Variants in COX10 observed in about 807,000 individuals in gnomAD.
COX10 encodes the protein cytochrome c oxidase assembly factor heme A:farnesyltransferase COX10.
COX10 carries 27 observed loss-of-function variants against 37.3 expected under a neutral mutation model. The ratio of observed to expected loss-of-function variants is 0.72; its 90% confidence interval spans 0.53 to 1.00. The LOEUF is 1.00. COX10 is among the 50% of genes least tolerant of loss of function. COX10 has a pLI of 0.00. For synonymous variants in COX10, 222 were observed against 229.1 expected, an observed-to-expected ratio of 0.97 and a Z score of 0.28; for missense variants, 475 against 563.2, an observed-to-expected ratio of 0.84 and a Z score of 1.59.
chr17:14,100,217 A>G (rs1428477241), intron 3 of COX10, among the ~76,000 whole-genome samples: 1 of 152,058 alleles, frequency 6.6e-6, no homozygotes, highest in African/African-American at 2.4e-5. Flanking sequence ...CTGCCAACCA[A>G]CCAAACTACA....
chr17:14,080,503 G>T (rs374864153), intron 3 of COX10, among the ~76,000 whole-genome samples: 1 of 152,088 alleles, frequency 6.6e-6, no homozygotes, highest in Admixed American at 6.5e-5. Flanking sequence ...GTGAGCCACC[G>T]CACCCGGCCA....
chr17:14,193,344 T>C (rs1906269611), intron 6 of COX10, among the ~76,000 whole-genome samples: 1 of 152,116 alleles, frequency 6.6e-6, no homozygotes, highest in Admixed American at 6.5e-5. Context: ...CCTGGAGTCA[T>C]TGTGAGGATG....
At chr17:14,085,729 G>T (rs763003898) in intron 3 of COX10, among the ~76,000 whole-genome samples, 12 of 152,090 alleles carry the variant, frequency 7.9e-5, no homozygotes, top group Non-Finnish European at 1.3e-4. Context: ...GAGGATAAAT[G>T]TATAGAAGTG....
At chr17:14,192,665 C>A (rs1906242095) in intron 6 of COX10, among the ~76,000 whole-genome samples, 1 of 152,140 alleles carries the variant, frequency 6.6e-6, no homozygotes, top group Admixed American at 6.5e-5. Context: ...AGATTATTTT[C>A]ATTAGTTTCT....
chr17:14,117,951 T>A (rs1195158859), intron 4 of COX10, among the ~76,000 whole-genome samples: 1 of 152,022 alleles, frequency 6.6e-6, no homozygotes, highest in Non-Finnish European at 1.5e-5. Flanking sequence ...GGGGATGGAA[T>A]GGGAAGGTGG....
At chr17:14,190,303 T>C in intron 5 of COX10, among the ~76,000 whole-genome samples, 1 of 152,182 alleles carries the variant, frequency 6.6e-6, no homozygotes, top group Non-Finnish European at 1.5e-5. Context: ...CAGTAGGTTA[T>C]TGAGCAGATC....
chr17:14,204,546 A>G (rs1295832321), intron 6 of COX10, among the ~76,000 whole-genome samples: 1 of 151,898 alleles, frequency 6.6e-6, no homozygotes, highest in Non-Finnish European at 1.5e-5. Flanking sequence ...TCTTCTTTGC[A>G]ACTCTACTGT....
chr17:14,125,721 A>G (rs1916329241), intron 4 of COX10, among the ~76,000 whole-genome samples: 1 of 152,166 alleles, frequency 6.6e-6, no homozygotes, highest in African/African-American at 2.4e-5. Context: ...TTTAAAATAC[A>G]TGTCAATACT....
chr17:14,084,435 T>C (rs1915364979), intron 3 of COX10, among the ~76,000 whole-genome samples: 1 of 152,186 alleles, frequency 6.6e-6, no homozygotes, highest in Non-Finnish European at 1.5e-5. Flanking sequence ...TATATTCTCT[T>C]CCAGAAATTT....
At chr17:14,182,341 G>A (rs1316745412) in intron 5 of COX10, 31 of 904,110 alleles carry the variant, frequency 3.4e-5, no homozygotes, top group East Asian at 1.2e-4. Flanking sequence ...CAGTCTCCAC[G>A]TTCTGAATGT....
At chr17:14,154,007 G>T (rs574592772) in intron 4 of COX10, among the ~76,000 whole-genome samples, 14 of 152,248 alleles carry the variant, frequency 9.2e-5, no homozygotes, top group Admixed American at 6.5e-5. Context: ...TTATTATTCG[G>T]AGTGTAAAAA....
intron 5 of COX10, among the ~76,000 whole-genome samples, chr17:14,172,766 C>T (rs1206355426): frequency 2.0e-5 from 3 of 151,554 alleles, no homozygotes; most frequent in African/African-American, 2.4e-5. Context: ...TTTGTGTGGC[C>T]GGTTTCGAAC....
chr17:14,078,496 T>G (rs1915206759), intron 3 of COX10, among the ~76,000 whole-genome samples: 1 of 152,142 alleles, frequency 6.6e-6, no homozygotes, highest in African/African-American at 2.4e-5. Context: ...CTTTTTGCTC[T>G]CCGCTCTCCC....
chr17:14,175,358 T>G (rs979665570), intron 5 of COX10, among the ~76,000 whole-genome samples: 54 of 152,012 alleles, frequency 3.6e-4, no homozygotes, highest in Admixed American at 7.9e-4. Flanking sequence ...TCCGACTGCC[T>G]GGAATCAAAG....
At chr17:14,185,753 ATTT>A in intron 5 of COX10, among the ~76,000 whole-genome samples, 1 of 27,442 alleles carries the variant, frequency 3.6e-5, no homozygotes, top group African/African-American at 8.7e-5. Flanking sequence ...TTACCCCTTT[ATTT>A]AACTTTTTTC....
At chr17:14,156,790 C>T (rs1242432274) in intron 4 of COX10, among the ~76,000 whole-genome samples, 2 of 152,200 alleles carry the variant, frequency 1.3e-5, no homozygotes, top group African/African-American at 4.8e-5. Context: ...TAGCTGGGTT[C>T]AGAGCCCGTT....
chr17:14,125,909 G>A (rs1916332386), intron 4 of COX10, among the ~76,000 whole-genome samples: 1 of 152,080 alleles, frequency 6.6e-6, no homozygotes, highest in Non-Finnish European at 1.5e-5. Context: ...TTGTACCACC[G>A]CAGCTAACTC....
intron 4 of COX10, among the ~76,000 whole-genome samples, chr17:14,117,028 G>A (rs891483246): frequency 3.3e-5 from 5 of 152,046 alleles, no homozygotes; most frequent in African/African-American, 9.7e-5. Flanking sequence ...AGTAACATGG[G>A]CTTATGTTCA....
chr17:14,196,111 C>G (rs1906359830), intron 6 of COX10, among the ~76,000 whole-genome samples: 1 of 152,070 alleles, frequency 6.6e-6, no homozygotes, highest in African/African-American at 2.4e-5. Context: ...TCTTTGAGCC[C>G]CCAAAGATGG....
Sources: allele counts gnomAD v4.1 joint callset (sites outside exome capture counted in the v4.1 genomes callset), GRCh38; gene constraint gnomAD v4.1.1; transcripts MANE v1.5; gene names NCBI Gene and HGNC (gene_info 2026-07-23, HGNC 2026-07-21).